The following JAG2 variants were observed in gnomAD, a reference collection of about 807,000 sequenced individuals.
The protein encoded by JAG2 is protein jagged-2.
Under a neutral mutation model 141.7 loss-of-function variants are expected in JAG2, and 46 were observed. That is an observed-to-expected ratio of 0.32 (90% CI 0.26 to 0.42). The LOEUF is 0.42. Ranked by LOEUF, JAG2 falls within the 10% of genes least tolerant of loss-of-function variation. The pLI, the probability that JAG2 is intolerant of heterozygous loss-of-function variation, is 1.00. For synonymous variants in JAG2, 862 were observed against 763.5 expected, an observed-to-expected ratio of 1.13 and a Z score of -2.13; for missense variants, 1,500 against 1,817.5, an observed-to-expected ratio of 0.83 and a Z score of 3.18.
rs587665180 is a variant in JAG2, at chr14:105,148,143, C to T, written c.2221G>A (p.Gly741Ser). The change falls in exon 17 of 26, where the codon GGC becomes AGC. Residue 741 changes from glycine (G) to serine (S), a missense_variant. By Grantham distance (56) the Gly-to-Ser change is moderately conservative. Coordinates refer to ENST00000331782, the MANE Select transcript of JAG2 (RefSeq NM_002226.5). ...GDTFRCACPP[G>S]WKGSTCAVAK... ...ACGGCGCAGGTGCTGCCCTTCCAGC[C>T]GGGGGGGCAGGCGCAGCGGAAGGTG... is the stretch of plus-strand genomic sequence containing the variant. 1.2e-5 allele frequency: 18 copies of T among 1,549,130 alleles called. No individual in the cohort carries two copies. The highest frequency in any genetic ancestry group is 7.8e-5 in the Admixed American group (4 of 50,990).
chr14:105,160,357 G>A (rs1180388343), intron 2 of JAG2, among the ~76,000 whole-genome samples: 1 of 35,084 alleles, frequency 2.9e-5, no homozygotes, highest in Non-Finnish European at 5.1e-5. Flanking sequence ...CACCACCCTC[G>A]CAGCTGCACC....
In JAG2 at chr14:105,167,691, A is replaced by AGC; in HGVS notation, c.417+64_417+65dup. On this transcript the variant is annotated intron_variant, in intron 2 of 25. Transcript: ENST00000331782. This position sits in a 1 kb window ranked among gnomAD's most constrained non-coding sequence, Gnocchi z 4.8. ...CGGCCGCAGGTGTTGGGGGTCGCGA[A>AGC]GCGCGCGGGGCCGGGGCGCGGAGAG... 1 of 1,327,394 alleles carries AGC rather than the reference A, an allele frequency of 7.5e-7. No homozygotes were observed. The highest frequency in any genetic ancestry group is 2.8e-4 in the Middle Eastern group (1 of 3,604). 82.2% of individuals were successfully genotyped at this position (1,327,394 alleles called of 1,614,324 possible).
chr14:105,146,195 C>A (rs1396721260), intron 22 of JAG2, among the ~76,000 whole-genome samples, 190 bp downstream of exon 22: 1 of 152,208 alleles, frequency 6.6e-6, no homozygotes, highest in Non-Finnish European at 1.5e-5. Flanking sequence ...GGACCCAGAC[C>A]AGGCCTGTTT....
intron 2 of JAG2, among the ~76,000 whole-genome samples, chr14:105,162,366 C>T (rs902615058): frequency 1.3e-5 from 2 of 149,096 alleles, no homozygotes; most frequent in Admixed American, 6.7e-5. Flanking sequence ...ACCCTCAAGG[C>T]TAAGTCTAAA....
chr14:105,156,639 C>T (rs1488695706), intron 3 of JAG2, among the ~76,000 whole-genome samples: 2 of 152,160 alleles, frequency 1.3e-5, no homozygotes, highest in African/African-American at 2.4e-5. Context: ...CCGGTCCCTG[C>T]GCTTAGGCAC....
At chr14:105,153,997 G>C (rs937137255) in intron 5 of JAG2, among the ~76,000 whole-genome samples, 1 of 152,188 alleles carries the variant, frequency 6.6e-6, no homozygotes, top group Non-Finnish European at 1.5e-5. Flanking sequence ...CAACCTGCCG[G>C]GAATCCCTGT....
rs1023504722 is a variant in JAG2, at chr14:105,146,387, T to C, written c.2707A>G (p.Lys903Glu). 1 of 1,612,006 alleles carries C rather than the reference T, an allele frequency of 6.2e-7. No homozygotes were observed. The highest frequency in any genetic ancestry group is 8.5e-7 in the Non-Finnish European group (1 of 1,179,484). ...RCLDGRRDCS[K>E]VWCGWKPCLL... Reference sequence around the variant, plus strand: ...GGCGGCTCACGGGCTGCCCTCACCTTGCTGCAGTCACGGCGGCCATCCAGG... The same window carrying C: ...GGCGGCTCACGGGCTGCCCTCACCTCGCTGCAGTCACGGCGGCCATCCAGG... The change falls in exon 22 of 26, where the codon AAG (lysine) becomes GAG (glutamate). Residue 903 changes from lysine to glutamate, a missense_variant and splice_region_variant. This residue lies in a region of JAG2 where 875 missense variants were observed against 1,202.2 expected (regional missense o/e 0.73). Coordinates refer to ENST00000331782, the MANE Select transcript of JAG2 (RefSeq NM_002226.5).
At chr14:105,153,248 C>T (rs935024699) in intron 5 of JAG2, among the ~76,000 whole-genome samples, 2 of 152,218 alleles carry the variant, frequency 1.3e-5, no homozygotes, top group Non-Finnish European at 2.9e-5. Context: ...CAGCCAGCAC[C>T]GAAGGCCTAT....
intron 5 of JAG2, among the ~76,000 whole-genome samples, chr14:105,155,331 T>G (rs1888547191): frequency 6.6e-6 from 1 of 151,938 alleles, no homozygotes; most frequent in African/African-American, 2.4e-5. Flanking sequence ...CCAGCCAGCC[T>G]CCCCAGTCTC....
At chr14:105,144,338 C>A (rs1717273201) in intron 24 of JAG2, among the ~76,000 whole-genome samples, 1 of 152,134 alleles carries the variant, frequency 6.6e-6, no homozygotes, top group South Asian at 2.1e-4. Context: ...CATCACCCAG[C>A]AGCACCCATC....
chr14:105,147,993 G>T, intron 17 of JAG2, 105 bp from the exon 18 acceptor site: 1 of 1,124,392 alleles, frequency 8.9e-7, no homozygotes, highest in Non-Finnish European at 1.3e-6. Context: ...CCCGGGGGCA[G>T]GGGGCAGGGG....
chr14:105,153,787 T>C (rs1201948571), intron 5 of JAG2, among the ~76,000 whole-genome samples: 1 of 152,174 alleles, frequency 6.6e-6, no homozygotes, highest in African/African-American at 2.4e-5. Context: ...CCAACTTCTC[T>C]GCTGCCTTCC....
At chr14:105,164,664 G>T (rs1010373383) in intron 2 of JAG2, among the ~76,000 whole-genome samples, 4 of 152,160 alleles carry the variant, frequency 2.6e-5, no homozygotes, top group African/African-American at 9.7e-5. Context: ...CTGGATGCAG[G>T]GGGTGGGCTC....
At chr14:105,152,647 C>T (rs1430540750) in intron 5 of JAG2, among the ~76,000 whole-genome samples, 1 of 151,812 alleles carries the variant, frequency 6.6e-6, no homozygotes, top group Non-Finnish European at 1.5e-5. Context: ...GCTGCCAGGG[C>T]CGGGAGGCAC....
chr14:105,155,067 C>G (rs2140984203), intron 5 of JAG2, among the ~76,000 whole-genome samples: 1 of 149,152 alleles, frequency 6.7e-6, no homozygotes, highest in East Asian at 2.0e-4. Flanking sequence ...CTTCCCCACT[C>G]AACAGCTACC....
rs758171034 is a variant in JAG2, at chr14:105,168,122, G to A, written c.67-15C>T. The A allele has an allele frequency of 5.3e-6, 8 of 1,516,988 alleles. No homozygotes were observed. Among genetic ancestry groups the A allele is most frequent in the Non-Finnish European group, 7.0e-6 (8 of 1,140,750 alleles). 94.0% of individuals were successfully genotyped at this position (1,516,988 alleles called of 1,614,324 possible). ...GGCCGCGCCGCCTAAAAATAAGGCA[G>A]CGGGAGAGCGGAGGGAGGCGCGGGC... On this transcript the variant is annotated splice_polypyrimidine_tract_variant and intron_variant, in intron 1 of 25. Transcript: ENST00000331782.
chr14:105,155,716 C>A, intron 4 of JAG2, 22 bp downstream of exon 4: 2 of 1,612,586 alleles, frequency 1.2e-6, no homozygotes, highest in Admixed American at 1.7e-5. Context: ...CTGCCCTCCA[C>A]GCAGCCCAGC....
At chr14:105,143,835 G>T (rs1888140885) in intron 24 of JAG2, among the ~76,000 whole-genome samples, 197 bp from the exon 25 acceptor site, 1 of 150,026 alleles carries the variant, frequency 6.7e-6, no homozygotes, top group Non-Finnish European at 1.5e-5. Flanking sequence ...GGTGGAGGCT[G>T]TCCCCATCCG....
chr14:105,146,825 G>T, intron 20 of JAG2, 101 bp from the exon 21 acceptor site: 1 of 947,468 alleles, frequency 1.1e-6, no homozygotes, highest in Non-Finnish European at 1.7e-6. Context: ...ACAGGCGCAA[G>T]CCCCAGGACA....
Sources: gnomAD v4.1 joint callset for allele counts (sites outside exome capture counted in the v4.1 genomes callset) on GRCh38, gnomAD v4.1.1 for gene constraint, gnomAD v4.1.1 regional missense constraint, Gnocchi (gnomAD v3.1) non-coding constraint, MANE v1.5 for transcripts, NCBI Gene and HGNC (gene_info 2026-07-23, HGNC 2026-07-21) for gene names.